Variants in JAK2 observed in about 807,000 individuals in gnomAD.
JAK2 encodes tyrosine-protein kinase JAK2.
In JAK2, 86 loss-of-function variants were observed where a neutral mutation model predicts 139.3. That is an observed-to-expected ratio of 0.62 (90% CI 0.52 to 0.74). The LOEUF is 0.74. Among genes scored for constraint, JAK2 ranks in the 30% least tolerant of loss-of-function variants. JAK2 has a pLI of 0.00. For missense variants in JAK2, 1,421 were observed against 1,360.3 expected, an observed-to-expected ratio of 1.04 and a Z score of -0.70; for synonymous variants, 490 against 437.7, an observed-to-expected ratio of 1.12 and a Z score of -1.49.
intron 3 of JAK2, among the ~76,000 whole-genome samples, chr9:5,026,438 C>T (rs1262200588): frequency 2.0e-5 from 3 of 152,064 alleles, no homozygotes; most frequent in South Asian, 4.1e-4. Context: ...AGTAGACGGT[C>T]GTGTTAATAA....
chr9:5,106,404 C>A (rs895785649), intron 22 of JAK2, among the ~76,000 whole-genome samples: 1 of 152,180 alleles, frequency 6.6e-6, no homozygotes, highest in East Asian at 1.9e-4. Context: ...ACAACAGATG[C>A]TGGAGAAGAT....
chr9:5,006,070 T>G (rs59993313), intron 2 of JAK2, among the ~76,000 whole-genome samples: 1,735 of 152,346 alleles, frequency 0.011, 30 homozygotes, highest in African/African-American at 0.037. Context: ...ATTGAATCTA[T>G]AAATGACCTT....
At chr9:5,035,288 G>A (rs1238878784) in intron 4 of JAK2, among the ~76,000 whole-genome samples, 3 of 152,180 alleles carry the variant, frequency 2.0e-5, no homozygotes, top group Non-Finnish European at 4.4e-5. Flanking sequence ...ATTCACAGCT[G>A]AATTCTACCA....
At chr9:5,110,116 T>TAGC (rs1822326891) in intron 22 of JAK2, 1 of 152,228 alleles carries the variant, frequency 6.6e-6, no homozygotes, top group Admixed American at 6.5e-5. Context: ...CGCCTTCTCT[T>TAGC]AGCAGCAGCA....
Position 5,111,658 on chromosome 9 carries a change from G to T in JAK2, c.3060-11346G>T, listed in dbSNP as rs1822556033. The T allele has an allele frequency of 7.5e-6, 3 of 402,164 alleles. No individual in the cohort carries two copies. The Admixed American group carries it at 9.2e-5, about 12-fold the overall frequency. 24.9% of individuals were successfully genotyped at this position (402,164 alleles called of 1,614,324 possible). ...GGGGCTCATGCCCCTCGTCCCTCCC[G>T]CCCAGCAGCGGCCCTGTGGGCAGTG... On this transcript the variant is annotated intron_variant, in intron 22 of 24. Transcript: ENST00000381652.
Position 5,080,651 on chromosome 9 carries a change from T to A in JAK2, c.2402T>A (p.Ile801Asn). The change falls in exon 18 of 25, where the codon ATC becomes AAC. Residue 801 changes from isoleucine (I) to asparagine (N), a missense_variant. Transcript: ENST00000381652. ...EPDFRPSFRA[I>N]IRDLNSLFTP... Reference sequence around the variant, plus strand: ...GATTTCAGGCCTTCTTTCAGAGCCATCATACGAGATCTTAACAGTTTGTTT... The same window carrying A: ...GATTTCAGGCCTTCTTTCAGAGCCAACATACGAGATCTTAACAGTTTGTTT... The A allele has an allele frequency of 6.3e-7, 1 of 1,593,518 alleles. No individual in the cohort carries two copies.
intron 6 of JAK2, among the ~76,000 whole-genome samples, chr9:5,052,388 G>A (rs948669302): frequency 1.3e-5 from 2 of 151,898 alleles, no homozygotes; most frequent in Non-Finnish European, 2.9e-5. Context: ...TATAAACACA[G>A]ATGCAAAATG....
intron 22 of JAK2, among the ~76,000 whole-genome samples, chr9:5,095,712 C>T (rs1418555516): frequency 5.3e-5 from 8 of 152,148 alleles, no homozygotes; most frequent in Admixed American, 1.3e-4. Flanking sequence ...TATCCATTAA[C>T]GTAAGCGGTT....
At chr9:5,111,204 C>T in intron 22 of JAK2, 5 of 631,968 alleles carry the variant, frequency 7.9e-6, no homozygotes, top group East Asian at 7.6e-5. Flanking sequence ...GACCGGGACT[C>T]GGAGGCAAGA....
At chr9:4,998,135 A>G (rs1007415963) in intron 2 of JAK2, among the ~76,000 whole-genome samples, 9 of 152,094 alleles carry the variant, frequency 5.9e-5, no homozygotes, top group African/African-American at 2.2e-4. Flanking sequence ...TTCCTGTGCA[A>G]TTTTATTTTT....
rs368731408 is a variant in JAK2, at chr9:5,048,318, T to C, written c.469-2368T>C. Among the ~76,000 whole-genome samples the C allele has an allele frequency of 2.4e-4, 36 of 152,206 alleles. 1 individual carries two copies. The East Asian group carries it at 4.8e-3, about 20-fold the overall frequency. On this transcript the variant is annotated intron_variant, in intron 5 of 24. Coordinates refer to ENST00000381652, the MANE Select transcript of JAK2 (RefSeq NM_004972.4). ...CACTACGCCCGGCTAATTTTTTGTA[T>C]TTTTAGTAGAGATGGGGTTTCACTA...
At chr9:5,039,175 A>G (rs80020838) in intron 4 of JAK2, among the ~76,000 whole-genome samples, 1 of 152,096 alleles carries the variant, frequency 6.6e-6, no homozygotes, top group Non-Finnish European at 1.5e-5. Context: ...GGCAAGAAAA[A>G]GAAATAAAAG....
chr9:5,032,841 C>G (rs1403694732), intron 4 of JAK2, among the ~76,000 whole-genome samples: 1 of 152,228 alleles, frequency 6.6e-6, no homozygotes, highest in Non-Finnish European at 1.5e-5. Flanking sequence ...GAGAGCACCT[C>G]TCCTCCTCCA....
chr9:5,042,120 A>ATTTTTTT (rs1816599654), intron 4 of JAK2, among the ~76,000 whole-genome samples: 1 of 130,002 alleles, frequency 7.7e-6, no homozygotes, highest in African/African-American at 3.1e-5. Flanking sequence ...ACTGGCCAAA[A>ATTTTTTT]TTTCTTTTTT....
At chr9:5,126,614 T>G (rs1824016376) in intron 24 of JAK2, 70 bp from the exon 25 acceptor site, 1 of 1,138,938 alleles carries the variant, frequency 8.8e-7, no homozygotes, top group Non-Finnish European at 1.3e-6. Flanking sequence ...TATTGAAAAT[T>G]AATGTCTTCC....
chr9:5,069,075 A>C lies in JAK2; in HGVS notation c.1380A>C (p.Glu460Asp), dbSNP rs1818765325. Reference protein sequence around the residue: ...KHCLITKNENEEYNLSGTKKN... With the variant: ...KHCLITKNENDEYNLSGTKKN... ...GTTTGATTACAAAAAATGAGAATGA[A>C]GAGTACAACCTCAGTGGGACAAAGA... Residue 460 changes from glutamate to aspartate, a missense_variant, in exon 11 of 25, where the codon GAA becomes GAC. Transcript: ENST00000381652. 2 of 1,607,310 alleles carry C rather than the reference A, an allele frequency of 1.2e-6. No individual in the cohort carries two copies. The highest frequency in any genetic ancestry group is 2.2e-5 in the South Asian group (2 of 89,938).
At chr9:5,067,150 A>G (rs1047287754) in intron 10 of JAK2, among the ~76,000 whole-genome samples, 9 of 152,142 alleles carry the variant, frequency 5.9e-5, no homozygotes, top group Admixed American at 2.0e-4. Flanking sequence ...ATCGGAAGCA[A>G]ATTTTCTGTT....
At chr9:5,091,089 G>GAAAATGGCATATGCTTT in intron 22 of JAK2, 178 bp downstream of exon 22, 2 of 485,418 alleles carry the variant, frequency 4.1e-6, no homozygotes, top group Non-Finnish European at 7.2e-6. Context: ...GTCCACGTGG[G>GAAAATGGCATATGCTTT]AAAATGGCAT....
At chr9:5,071,940 T>A (rs1430531581) in intron 12 of JAK2, among the ~76,000 whole-genome samples, 3 of 152,254 alleles carry the variant, frequency 2.0e-5, no homozygotes, top group Non-Finnish European at 4.4e-5. Context: ...AATGCACATT[T>A]ACTATGTGTC....
Sources: allele counts gnomAD v4.1 joint callset (sites outside exome capture counted in the v4.1 genomes callset), GRCh38; gene constraint gnomAD v4.1.1; transcripts MANE v1.5; gene names NCBI Gene and HGNC (gene_info 2026-07-23, HGNC 2026-07-21).